The following LRP1B variants were observed in gnomAD, a reference collection of about 807,000 sequenced individuals.
LRP1B encodes the protein low-density lipoprotein receptor-related protein 1B.
A neutral mutation model predicts 556.6 loss-of-function variants in LRP1B; 217 were observed. That is an observed-to-expected ratio of 0.39 (90% CI 0.35 to 0.44). The LOEUF (loss-of-function observed/expected upper bound fraction) is 0.44. Ranked by LOEUF, LRP1B falls within the 20% of genes least tolerant of loss-of-function variation. LRP1B has a pLI of 1.00. For synonymous variants in LRP1B, 2,047 were observed against 1,865.8 expected (o/e 1.10, Z -2.50); for missense variants, 5,053 against 5,620.8 (o/e 0.90, Z 3.23).
chr2:140,353,118 G>A, intron 75 of LRP1B, 46 bp from the exon 76 acceptor site: 1 of 1,603,128 alleles, frequency 6.2e-7, no homozygotes. Context: ...CCTCAATTCA[G>A]ACTCCTATTC....
At chr2:140,436,365 G>A (rs892409557) in intron 66 of LRP1B, among the ~76,000 whole-genome samples, 4 of 152,084 alleles carry the variant, frequency 2.6e-5, no homozygotes, top group African/African-American at 9.7e-5. Flanking sequence ...AAGCAAGATC[G>A]AGCTATGTAT....
chr2:140,812,458 T>C (rs954790129), intron 32 of LRP1B, among the ~76,000 whole-genome samples: 1 of 152,116 alleles, frequency 6.6e-6, no homozygotes, highest in South Asian at 2.1e-4. Flanking sequence ...TTCATCTAGA[T>C]ATTTTTAATT....
intron 6 of LRP1B, among the ~76,000 whole-genome samples, chr2:141,216,010 C>A (rs1453143438): frequency 6.6e-6 from 1 of 152,112 alleles, no homozygotes; most frequent in Non-Finnish European, 1.5e-5. Context: ...TGTTAATAGC[C>A]AAGACAAGGT....
intron 1 of LRP1B, among the ~76,000 whole-genome samples, chr2:142,086,213 A>C (rs573272723): frequency 2.0e-5 from 3 of 152,274 alleles, no homozygotes; most frequent in Admixed American, 2.0e-4. Context: ...CATATCTCAA[A>C]AAGAGGCAAG....
At chr2:141,092,088 G>T (rs768810073) in intron 7 of LRP1B, among the ~76,000 whole-genome samples, 5 of 152,130 alleles carry the variant, frequency 3.3e-5, no homozygotes, top group Non-Finnish European at 7.4e-5. Context: ...AATATGCTAT[G>T]CTAACTCTTG....
chr2:140,743,431 G>T (rs1394525604), intron 35 of LRP1B, among the ~76,000 whole-genome samples: 1 of 152,122 alleles, frequency 6.6e-6, no homozygotes, highest in Non-Finnish European at 1.5e-5. Context: ...AGAATTGCAT[G>T]CATTCAAAAT....
At chr2:140,321,193 C>T (rs1680100272) in intron 82 of LRP1B, among the ~76,000 whole-genome samples, 1 of 151,982 alleles carries the variant, frequency 6.6e-6, no homozygotes. Context: ...GCTGGATATT[C>T]AAGAGACATA....
At position 140,274,452 on chromosome 2, in the gene LRP1B, T is replaced by A. The variant is rs149644677; in HGVS notation, c.13114A>T (p.Asn4372Tyr). 9,576 of 1,612,564 alleles carry A rather than the reference T, an allele frequency of 5.9e-3. 48 individuals are homozygous for A. Among genetic ancestry groups the A allele is most frequent in the Middle Eastern group, 8.4e-3 (51 of 6,050 alleles). The change falls in exon 85 of 91, where the codon AAT (asparagine) becomes TAT (tyrosine). Residue 4372 changes from asparagine (N) to tyrosine (Y), a missense_variant. This residue lies in a region of LRP1B where 551 missense variants were observed against 592.0 expected (regional missense o/e 0.93). Coordinates refer to ENST00000389484, the MANE Select transcript of LRP1B (RefSeq NM_018557.3). ...CAAAATATATCTTCACTGTCTTTATTTATAATGCAGTGCCCCCCATGGCAC... is the reference window on the plus strand; with the variant it reads ...CAAAATATATCTTCACTGTCTTTATATATAATGCAGTGCCCCCCATGGCAC... Reference protein sequence around the residue: ...VRCHGGHCIINKDSEDIFCNC... With the variant: ...VRCHGGHCIIYKDSEDIFCNC...
chr2:141,219,968 GA>G (rs1165947880), intron 6 of LRP1B, among the ~76,000 whole-genome samples: 1 of 152,148 alleles, frequency 6.6e-6, no homozygotes, highest in Non-Finnish European at 1.5e-5. Flanking sequence ...CCACCAAGAT[GA>G]GAAAGAATTA....
intron 2 of LRP1B, among the ~76,000 whole-genome samples, chr2:141,658,214 C>T (rs1276398367): frequency 6.6e-6 from 1 of 152,142 alleles, no homozygotes; most frequent in African/African-American, 2.4e-5. Flanking sequence ...TAGCTTTCAG[C>T]TAGAAGTTCT....
rs1024220951 is a variant in LRP1B, at chr2:141,932,387, C to G, written c.83-121986G>C. Among the ~76,000 whole-genome samples, 3 of 151,978 alleles carry G rather than the reference C, an allele frequency of 2.0e-5. No homozygotes were observed. In the South Asian group the frequency reaches 6.2e-4, roughly 31 times the overall value. Reference sequence around the variant, plus strand: ...ATTGTAAAGCACTATATAATACAACCGAAGAATATACTCTTATTAACATGA... The same window carrying G: ...ATTGTAAAGCACTATATAATACAACGGAAGAATATACTCTTATTAACATGA... On this transcript the variant is annotated intron_variant, in intron 1 of 90. Transcript: ENST00000389484.
chr2:141,254,500 TG>T (rs763978879), intron 4 of LRP1B, 21 bp downstream of exon 4: 5 of 1,609,778 alleles, frequency 3.1e-6, no homozygotes, highest in Non-Finnish European at 4.2e-6. Flanking sequence ...CAAAATTTGA[TG>T]GCGTTATATG....
chr2:140,593,387 T>C (rs558558615), intron 43 of LRP1B, among the ~76,000 whole-genome samples: 33 of 152,190 alleles, frequency 2.2e-4, no homozygotes, highest in Non-Finnish European at 3.7e-4. Context: ...AATCATGCTG[T>C]CTTAGCCCCT....
chr2:140,285,300 G>A (rs1010742), intron 84 of LRP1B, among the ~76,000 whole-genome samples: 46,531 of 137,752 alleles, frequency 0.34, 7,493 homozygotes, highest in Middle Eastern at 0.46. Flanking sequence ...TATATAGATA[G>A]GTGTGTATAT....
intron 79 of LRP1B, among the ~76,000 whole-genome samples, chr2:140,327,627 TA>T (rs753702615): frequency 1.3e-3 from 189 of 145,478 alleles, no homozygotes; most frequent in Non-Finnish European, 2.5e-3. Flanking sequence ...TGTGCTACAA[TA>T]AAGAAGTAGC....
intron 47 of LRP1B, among the ~76,000 whole-genome samples, chr2:140,533,037 G>A (rs562452954): frequency 2.5e-4 from 36 of 146,356 alleles, no homozygotes; most frequent in South Asian, 1.9e-3. Flanking sequence ...TGAATTTTGC[G>A]TCTCGAACCT....
intron 1 of LRP1B, among the ~76,000 whole-genome samples, chr2:141,881,969 C>T (rs551929963): frequency 6.6e-6 from 1 of 152,206 alleles, no homozygotes; most frequent in Non-Finnish European, 1.5e-5. Flanking sequence ...GTTGCCCAGG[C>T]TAGTCTGGAG....
At chr2:140,500,748 T>C (rs1268270159) in intron 55 of LRP1B, among the ~76,000 whole-genome samples, 2 of 151,964 alleles carry the variant, frequency 1.3e-5, no homozygotes, top group Non-Finnish European at 2.9e-5. Flanking sequence ...CTTCTGGATA[T>C]AGAAATTTGG....
intron 1 of LRP1B, among the ~76,000 whole-genome samples, chr2:141,828,902 G>T (rs963198611): frequency 6.6e-5 from 10 of 152,034 alleles, no homozygotes; most frequent in Non-Finnish European, 1.3e-4. Flanking sequence ...GAATCAAATG[G>T]TAAGAGCGTT....
Sources: allele counts gnomAD v4.1 joint callset (sites outside exome capture counted in the v4.1 genomes callset), GRCh38; gene constraint gnomAD v4.1.1; regional missense constraint gnomAD v4.1.1; transcripts MANE v1.5; gene names NCBI Gene and HGNC (gene_info 2026-07-23, HGNC 2026-07-21).